Variants in HS6ST3 observed in about 807,000 individuals in gnomAD.
HS6ST3 encodes the protein heparan-sulfate 6-O-sulfotransferase 3.
Under a neutral mutation model 36.7 loss-of-function variants are expected in HS6ST3, and 12 were observed. That is an observed-to-expected ratio of 0.33 (90% CI 0.21 to 0.53). The LOEUF is 0.53. Ranked by LOEUF, HS6ST3 falls within the 20% of genes least tolerant of loss-of-function variation. HS6ST3 has a pLI of 0.95. For missense variants in HS6ST3, 584 were observed against 640.9 expected, an observed-to-expected ratio of 0.91 and a Z score of 0.96; for synonymous variants, 240 against 257.5, an observed-to-expected ratio of 0.93 and a Z score of 0.65.
At chr13:96,401,753 T>G (rs1315221650) in intron 1 of HS6ST3, among the ~76,000 whole-genome samples, 1 of 151,988 alleles carries the variant, frequency 6.6e-6, no homozygotes, top group African/African-American at 2.4e-5. Context: ...TTTTATATCT[T>G]TCGTAGAGGC....
At chr13:96,548,975 C>G (rs2056208542) in intron 1 of HS6ST3, among the ~76,000 whole-genome samples, 2 of 152,202 alleles carry the variant, frequency 1.3e-5, no homozygotes, top group African/African-American at 4.8e-5. Context: ...CACATACAAT[C>G]AACCCTCACA....
intron 1 of HS6ST3, among the ~76,000 whole-genome samples, chr13:96,179,754 GCAAT>G (rs2054230519): frequency 6.6e-6 from 1 of 152,060 alleles, no homozygotes; most frequent in Non-Finnish European, 1.5e-5. Flanking sequence ...ATTAGGAATA[GCAAT>G]CATTTATTAT....
intron 1 of HS6ST3, among the ~76,000 whole-genome samples, chr13:96,128,771 T>C (rs186617992): frequency 6.6e-6 from 1 of 152,234 alleles, no homozygotes; most frequent in East Asian, 1.9e-4. Flanking sequence ...GCTTGATAAC[T>C]ACCATTTAAA....
At chr13:96,552,626 A>C (rs2056223658) in intron 1 of HS6ST3, among the ~76,000 whole-genome samples, 1 of 152,192 alleles carries the variant, frequency 6.6e-6, no homozygotes, top group Non-Finnish European at 1.5e-5. Flanking sequence ...AAGAGCTAGC[A>C]CAGGGAGAGC....
intron 1 of HS6ST3, among the ~76,000 whole-genome samples, chr13:96,203,091 C>T (rs2054351167): frequency 6.6e-6 from 1 of 152,270 alleles, no homozygotes; most frequent in East Asian, 1.9e-4. Flanking sequence ...GATATTTCTC[C>T]ATATAGAAGC....
chr13:96,827,761 GT>G (rs1878680766), intron 1 of HS6ST3, among the ~76,000 whole-genome samples: 1 of 152,172 alleles, frequency 6.6e-6, no homozygotes, highest in South Asian at 2.1e-4. Flanking sequence ...ACTGAATAAA[GT>G]TAAATTTGGA....
intron 1 of HS6ST3, among the ~76,000 whole-genome samples, chr13:96,652,972 C>A (rs2056612612): frequency 6.6e-6 from 1 of 151,938 alleles, no homozygotes; most frequent in African/African-American, 2.4e-5. Context: ...GATGACCCAA[C>A]TCTGATGGTT....
chr13:96,246,282 C>A (rs1176073518), intron 1 of HS6ST3, among the ~76,000 whole-genome samples: 1 of 152,124 alleles, frequency 6.6e-6, no homozygotes, highest in Admixed American at 6.5e-5. Flanking sequence ...GATTCTCTTA[C>A]TTAGAATTCT....
At chr13:96,579,472 A>T (rs2056333875) in intron 1 of HS6ST3, among the ~76,000 whole-genome samples, 1 of 152,198 alleles carries the variant, frequency 6.6e-6, no homozygotes, top group Non-Finnish European at 1.5e-5. Context: ...GACTAAAAAA[A>T]AACTTTTTAG....
intron 1 of HS6ST3, among the ~76,000 whole-genome samples, chr13:96,357,320 T>G (rs1391389128): frequency 2.0e-5 from 3 of 152,236 alleles, no homozygotes; most frequent in Non-Finnish European, 4.4e-5. Context: ...GGCCTAGCTT[T>G]CTGCCTATCT....
At chr13:96,644,622 AT>A (rs2056581548) in intron 1 of HS6ST3, among the ~76,000 whole-genome samples, 1 of 151,992 alleles carries the variant, frequency 6.6e-6, no homozygotes, top group African/African-American at 2.4e-5. Flanking sequence ...TAGGAGACTG[AT>A]TAACATTCTT....
intron 1 of HS6ST3, among the ~76,000 whole-genome samples, chr13:96,515,928 G>T (rs2056070490): frequency 6.6e-6 from 1 of 152,132 alleles, no homozygotes; most frequent in African/African-American, 2.4e-5. Flanking sequence ...AAAGTAGACA[G>T]GGGCTCTTTA....
At chr13:96,317,777 C>T (rs1390956667) in intron 1 of HS6ST3, among the ~76,000 whole-genome samples, 3 of 149,750 alleles carry the variant, frequency 2.0e-5, no homozygotes, top group African/African-American at 7.4e-5. Flanking sequence ...GAGATGATAT[C>T]TCATTGTGGT....
At chr13:96,714,726 T>G (rs1292137858) in intron 1 of HS6ST3, among the ~76,000 whole-genome samples, 1 of 152,074 alleles carries the variant, frequency 6.6e-6, no homozygotes, top group African/African-American at 2.4e-5. Flanking sequence ...TAAAAAAGGG[T>G]CTTGCTATGT....
At chr13:96,235,980 C>T (rs1249540241) in intron 1 of HS6ST3, among the ~76,000 whole-genome samples, 5 of 152,120 alleles carry the variant, frequency 3.3e-5, no homozygotes, top group African/African-American at 9.7e-5. Context: ...CTCAGAAGTA[C>T]GGAAGCCAAC....
At chr13:96,203,135 G>T (rs904507803) in intron 1 of HS6ST3, among the ~76,000 whole-genome samples, 2 of 152,144 alleles carry the variant, frequency 1.3e-5, no homozygotes, top group Non-Finnish European at 2.9e-5. Context: ...TCCATTTTAA[G>T]ATATAAACAC....
chr13:96,231,579 C>T (rs2054508525), intron 1 of HS6ST3, among the ~76,000 whole-genome samples: 1 of 151,958 alleles, frequency 6.6e-6, no homozygotes, highest in Admixed American at 6.6e-5. Context: ...ATCATGAGAA[C>T]AGTACCAAAG....
chr13:96,804,828 A>G (rs1158310256), intron 1 of HS6ST3, among the ~76,000 whole-genome samples: 1 of 152,182 alleles, frequency 6.6e-6, no homozygotes, highest in Non-Finnish European at 1.5e-5. Flanking sequence ...TGAGAGCTAC[A>G]ATTTAGAACA....
chr13:96,763,101 A>C (rs2138501404), intron 1 of HS6ST3, among the ~76,000 whole-genome samples: 1 of 152,294 alleles, frequency 6.6e-6, no homozygotes, highest in Admixed American at 6.5e-5. Context: ...CTTTGGAGAT[A>C]AAATCTGAGT....
Sources: allele counts gnomAD v4.1 joint callset (sites outside exome capture counted in the v4.1 genomes callset), GRCh38; gene constraint gnomAD v4.1.1; transcripts MANE v1.5; gene names NCBI Gene and HGNC (gene_info 2026-07-23, HGNC 2026-07-21).